The following DNAJB4 variants were observed in gnomAD, a reference collection of about 807,000 sequenced individuals.
DNAJB4 encodes DnaJ heat shock protein family (Hsp40) member B4, also known as dnaJ homolog subfamily B member 4.
DNAJB4 carries 10 observed loss-of-function variants against 26.6 expected under a neutral mutation model. That is an observed-to-expected ratio of 0.38 (90% CI 0.23 to 0.64). The LOEUF (loss-of-function observed/expected upper bound fraction) is 0.64. Ranked by LOEUF, DNAJB4 falls within the 30% of genes least tolerant of loss-of-function variation. The pLI is 0.58. For missense variants in DNAJB4, 328 were observed against 408.2 expected (o/e 0.80, Z 1.69); for synonymous variants, 136 against 134.8 (o/e 1.01, Z -0.06).
chr1:78,012,448 C>G (rs1453841990), intron 1 of DNAJB4, among the ~76,000 whole-genome samples: 1 of 151,590 alleles, frequency 6.6e-6, no homozygotes, highest in East Asian at 1.9e-4. Flanking sequence ...AGGCATGAGC[C>G]TCTGCGCCCG....
intron 1 of DNAJB4, among the ~76,000 whole-genome samples, chr1:78,006,662 TAC>T (rs1331579300): frequency 1.3e-5 from 2 of 152,150 alleles, no homozygotes; most frequent in Non-Finnish European, 2.9e-5. Context: ...GGTGAGGACC[TAC>T]AGTGTCAGGT....
intron 1 of DNAJB4, among the ~76,000 whole-genome samples, chr1:77,989,000 A>G (rs929402695): frequency 1.1e-4 from 16 of 152,012 alleles, no homozygotes; most frequent in Non-Finnish European, 1.6e-4. Context: ...CTGCTTCCCT[A>G]TTTTCCATAA....
chr1:78,000,210 GA>G (rs1479396546), upstream of DNAJB4, among the ~76,000 whole-genome samples: 1 of 151,804 alleles, frequency 6.6e-6, no homozygotes, highest in African/African-American at 2.4e-5. Context: ...AATTTTCCTG[GA>G]AAAAAAATTT....
chr1:78,009,118 T>G (rs1292938490), intron 1 of DNAJB4, among the ~76,000 whole-genome samples: 1 of 152,200 alleles, frequency 6.6e-6, no homozygotes, highest in African/African-American at 2.4e-5. Context: ...TTTTTTTTAA[T>G]TCACTGTGTG....
chr1:77,983,987 C>A (rs573448912), intron 1 of DNAJB4, among the ~76,000 whole-genome samples: 2 of 152,240 alleles, frequency 1.3e-5, no homozygotes, highest in Admixed American at 1.3e-4. Flanking sequence ...CTAGAAACAG[C>A]TTTTTTTAAA....
At chr1:77,987,838 T>C (rs141765550) in intron 1 of DNAJB4, among the ~76,000 whole-genome samples, 24 of 151,950 alleles carry the variant, frequency 1.6e-4, no homozygotes, top group African/African-American at 4.6e-4. Context: ...TCAGTGACCT[T>C]GCCAAATTCT....
intron 1 of DNAJB4, among the ~76,000 whole-genome samples, chr1:77,986,910 T>C (rs780067036): frequency 6.6e-6 from 1 of 152,160 alleles, no homozygotes; most frequent in Non-Finnish European, 1.5e-5. Context: ...TTTACTCCCC[T>C]AATGATTGCA....
At chr1:77,991,310 T>C (rs141988043) in intron 1 of DNAJB4, among the ~76,000 whole-genome samples, 1 of 152,362 alleles carries the variant, frequency 6.6e-6, no homozygotes, top group Non-Finnish European at 1.5e-5. Flanking sequence ...GATATTATTA[T>C]ACAGTTGATT....
At chr1:77,980,849 G>C (rs1236510232) in intron 1 of DNAJB4, among the ~76,000 whole-genome samples, 1 of 152,094 alleles carries the variant, frequency 6.6e-6, no homozygotes, top group Non-Finnish European at 1.5e-5. Flanking sequence ...ATCTTTTTCA[G>C]TGTTCATGGC....
intron 1 of DNAJB4, among the ~76,000 whole-genome samples, chr1:77,986,527 C>G (rs1190864777): frequency 2.6e-5 from 4 of 152,182 alleles, no homozygotes; most frequent in Non-Finnish European, 4.4e-5. Flanking sequence ...GTCAGTAATT[C>G]TCAACTCCCA....
chr1:78,003,276 G>C (rs1660236258), upstream of DNAJB4, among the ~76,000 whole-genome samples: 2 of 151,798 alleles, frequency 1.3e-5, no homozygotes, highest in South Asian at 4.2e-4. Context: ...TAAGTTTTTT[G>C]GATTTGAAAG....
At chr1:77,991,599 A>G (rs1659932766) in intron 1 of DNAJB4, among the ~76,000 whole-genome samples, 1 of 152,202 alleles carries the variant, frequency 6.6e-6, no homozygotes, top group African/African-American at 2.4e-5. Flanking sequence ...ACACACACAA[A>G]AAATGAACTA....
At chr1:77,988,703 A>G (rs1235367216) in intron 1 of DNAJB4, among the ~76,000 whole-genome samples, 4 of 152,130 alleles carry the variant, frequency 2.6e-5, no homozygotes, top group Admixed American at 1.3e-4. Context: ...TGGCTACCCT[A>G]TCTAAATTTT....
Position 78,004,987 on chromosome 1 carries a change from C to T in DNAJB4, c.-124C>T. The T allele has an allele frequency of 2.1e-6, 2 of 968,348 alleles. No homozygotes were observed. The highest frequency in any genetic ancestry group is 2.4e-5 in the East Asian group (1 of 41,846). The allele number at this position is 968,348 out of a possible 1,614,324, so 60.0% of individuals were successfully genotyped here. On this transcript the variant is annotated 5_prime_UTR_variant, in exon 1 of 3. Transcript: ENST00000370763. ...CTGCTTGCTGCCTTAAGACAGCTAG[C>T]TGAATTGCTGATTAACTTTTAAAAT... is the stretch of plus-strand genomic sequence containing the variant.
rs1173051074 is a variant in DNAJB4 at position 78,004,956 on chromosome 1, C to T, written c.-155C>T. 1.3e-5 allele frequency: 9 copies of T among 718,716 alleles called. No individual in the cohort carries two copies. The highest frequency in any genetic ancestry group is 7.2e-5 in the South Asian group (4 of 55,586). The allele number at this position is 718,716 out of a possible 1,614,324, so 44.5% of individuals were successfully genotyped here. ...GTTGGGGAAGGATTGAATACAGAGA[C>T]GCTGTCTGCTTGCTGCCTTAAGACA... On this transcript the variant is annotated 5_prime_UTR_variant, in exon 1 of 3. In the 5' UTR this introduces an upstream ATG that the reference lacks. Transcript: ENST00000370763.
rs1660545755 is a variant in DNAJB4, at chr1:78,013,352, A to G, written c.513A>G (p.Ile171Met). ...AACTTAGAGTATCACTTGAAGAGAT[A>G]TATAGTGGTTGTACCAAACGGATGA... ...IHELRVSLEE[I>M]YSGCTKRMKI... Residue 171 changes from isoleucine to methionine, a missense_variant, in exon 2 of 3, where the codon ATA becomes ATG. Coordinates refer to ENST00000370763, the MANE Select transcript of DNAJB4 (RefSeq NM_007034.5). 5.6e-6 allele frequency: 9 copies of G among 1,614,248 alleles called. No homozygotes were observed. Among genetic ancestry groups the G allele is most frequent in the East Asian group, 4.5e-5 (2 of 44,892 alleles).
chr1:78,005,222 TCTC>T lies in DNAJB4; in HGVS notation c.116_118del (p.Pro39del), dbSNP rs759396618. On this transcript the variant is annotated inframe_deletion, in exon 1 of 3. Transcript: ENST00000370763. ...CAAATTTCATCCGGACAAGAACAAA[TCTC>T]CTCAGGCAGAGGAAAAATTTAAAGA... 6 of 1,613,924 alleles carry T rather than the reference TCTC, an allele frequency of 3.7e-6. No individual in the cohort carries two copies. The highest frequency in any genetic ancestry group is 2.2e-5 in the South Asian group (2 of 91,078).
chr1:78,003,389 T>C (rs924256299), upstream of DNAJB4, among the ~76,000 whole-genome samples: 1 of 152,188 alleles, frequency 6.6e-6, no homozygotes, highest in African/African-American at 2.4e-5. Flanking sequence ...ACATTTCTAA[T>C]GTCATGGTGT....
At chr1:77,997,293 C>T (rs1385383793) in intron 1 of DNAJB4, among the ~76,000 whole-genome samples, 1 of 123,002 alleles carries the variant, frequency 8.1e-6, no homozygotes, top group Non-Finnish European at 1.6e-5. Context: ...GCCTGGGAGA[C>T]ATAGTGAGAA....
Sources: allele counts gnomAD v4.1 joint callset (sites outside exome capture counted in the v4.1 genomes callset), GRCh38; gene constraint gnomAD v4.1.1; transcripts MANE v1.5; gene names NCBI Gene and HGNC (gene_info 2026-07-23, HGNC 2026-07-21).